The following LIPK variants were observed in gnomAD, a reference collection of about 807,000 sequenced individuals.
LIPK encodes the protein lipase family member K.
In LIPK, 32 loss-of-function variants were observed where a neutral mutation model predicts 48.6. The observed-to-expected ratio is 0.66, with a 90% CI of 0.50 to 0.88. LIPK has a LOEUF of 0.88. Ranked by LOEUF, LIPK falls within the 40% of genes least tolerant of loss-of-function variation. The pLI is 0.00. For missense variants in LIPK, 507 were observed against 478.5 expected, an observed-to-expected ratio of 1.06 and a Z score of -0.56; for synonymous variants, 164 against 157.4, an observed-to-expected ratio of 1.04 and a Z score of -0.32.
In LIPK at chr10:88,732,239, G is replaced by A; in HGVS notation, c.484G>A (p.Gly162Arg). ...AATCAATTTTATCATAGAGAAAACT[G>A]GACAGAAGCGACTCTACTACGTGGG... ...ATINFIIEKT[G>R]QKRLYYVGHS... Residue 162 changes from glycine to arginine, a missense_variant, in exon 5 of 10, where the codon GGA (glycine) becomes AGA (arginine). Gly to Arg is a moderately radical substitution (Grantham distance 125, BLOSUM62 -2). Transcript: ENST00000404190. 1.2e-6 allele frequency: 2 copies of A among 1,613,946 alleles called. No homozygotes were observed. The highest frequency in any genetic ancestry group is 1.7e-6 in the Non-Finnish European group (2 of 1,179,894).
chr10:88,726,802 T>A lies in LIPK; in HGVS notation c.113T>A (p.Ile38Asn). ...NPEANMNISQ[I>N]ISYWGYPYEE... is the part of the protein sequence containing the mutation. ...TTCCTTTCCTCTTTTTAGAGCCAGA[T>A]TATTTCTTACTGGGGTTATCCTTAT... The change falls in exon 3 of 10, where the codon ATT (isoleucine) becomes AAT (asparagine). Residue 38 changes from isoleucine to asparagine, a missense_variant. Ile to Asn is a moderately radical substitution (Grantham distance 149). Coordinates refer to ENST00000404190, the MANE Select transcript of LIPK (RefSeq NM_001080518.2). 6.5e-7 allele frequency: 1 copy of A among 1,544,826 alleles called. No individual in the cohort carries two copies. Among genetic ancestry groups the A allele is most frequent in the Non-Finnish European group, 8.9e-7 (1 of 1,120,608 alleles).
intron 1 of LIPK, among the ~76,000 whole-genome samples, chr10:88,714,650 T>C (rs1375200807): frequency 2.0e-5 from 3 of 152,180 alleles, no homozygotes; most frequent in African/African-American, 7.2e-5. Flanking sequence ...GTCTAGTTAA[T>C]ATAATTTATC....
chr10:88,720,511 G>C (rs1305979893), intron 1 of LIPK, among the ~76,000 whole-genome samples: 2 of 152,012 alleles, frequency 1.3e-5, no homozygotes, highest in Non-Finnish European at 2.9e-5. Flanking sequence ...ATCTACCCCT[G>C]AATCCAAAAT....
chr10:88,735,339 C>A (rs575170917), intron 6 of LIPK, among the ~76,000 whole-genome samples: 1 of 152,074 alleles, frequency 6.6e-6, no homozygotes. Flanking sequence ...TTGCTTTTGA[C>A]GTGTCTCTAC....
chr10:88,711,822 A>G lies in LIPK; in HGVS notation c.-12+5502A>G, dbSNP rs73350715. Among the ~76,000 whole-genome samples, 1,066 of 152,098 alleles carry G rather than the reference A, an allele frequency of 7.0e-3. 9 individuals are homozygous for G. Among genetic ancestry groups the G allele is most frequent in the Middle Eastern group, 0.024 (7 of 292 alleles). On this transcript the variant is annotated intron_variant, in intron 1 of 9. Transcript: ENST00000404190. ...AAGAACAGAAGTTTTTTATTTTAAT[A>G]ATTTTTTAATCTTTTTTTTGCTTAT...
At chr10:88,746,650 TCC>T (rs1268260314) in intron 9 of LIPK, among the ~76,000 whole-genome samples, 1 of 151,998 alleles carries the variant, frequency 6.6e-6, no homozygotes, top group Non-Finnish European at 1.5e-5. Flanking sequence ...GTGCTAAACA[TCC>T]ACATCAAAAA....
intron 9 of LIPK, among the ~76,000 whole-genome samples, chr10:88,751,697 C>A (rs1001226489): frequency 1.1e-4 from 16 of 152,142 alleles, no homozygotes; most frequent in Middle Eastern, 3.2e-3. Flanking sequence ...CACACACACA[C>A]ACTGTTTCAG....
intron 7 of LIPK, among the ~76,000 whole-genome samples, chr10:88,738,971 A>T (rs1287741899): frequency 6.6e-6 from 1 of 152,240 alleles, no homozygotes; most frequent in East Asian, 1.9e-4. Context: ...GTACATTTGG[A>T]TAGCTTATAA....
At chr10:88,750,622 G>T (rs1333747648) in intron 9 of LIPK, among the ~76,000 whole-genome samples, 2 of 152,118 alleles carry the variant, frequency 1.3e-5, no homozygotes, top group Admixed American at 6.6e-5. Flanking sequence ...ACACAAAGAG[G>T]GGAACAATAG....
intron 1 of LIPK, among the ~76,000 whole-genome samples, chr10:88,720,453 T>G (rs1842200672): frequency 6.6e-6 from 1 of 152,156 alleles, no homozygotes; most frequent in Non-Finnish European, 1.5e-5. Flanking sequence ...AAATACTCTG[T>G]GCAACCAACC....
chr10:88,748,653 A>G (rs552564056), intron 9 of LIPK, among the ~76,000 whole-genome samples: 18 of 152,030 alleles, frequency 1.2e-4, no homozygotes, highest in Non-Finnish European at 2.4e-4. Context: ...ATAATATTAA[A>G]TGCCATTTCT....
chr10:88,739,146 T>C (rs898295087), intron 7 of LIPK, among the ~76,000 whole-genome samples: 2 of 150,894 alleles, frequency 1.3e-5, no homozygotes, highest in African/African-American at 4.9e-5. Flanking sequence ...TGTGGTTGTT[T>C]ATCCATAAGA....
At chr10:88,714,614 T>C (rs1044214942) in intron 1 of LIPK, among the ~76,000 whole-genome samples, 3 of 152,170 alleles carry the variant, frequency 2.0e-5, no homozygotes, top group Non-Finnish European at 2.9e-5. Context: ...GAAATGGTTT[T>C]TTAAGTTGTG....
intron 6 of LIPK, among the ~76,000 whole-genome samples, chr10:88,735,369 A>T (rs1042014503): frequency 5.9e-5 from 9 of 152,280 alleles, no homozygotes; most frequent in African/African-American, 1.7e-4. Context: ...GATTGTTAGT[A>T]CTGTCTCCAT....
chr10:88,741,980 A>C (rs986450255), intron 8 of LIPK, among the ~76,000 whole-genome samples: 6 of 152,142 alleles, frequency 3.9e-5, no homozygotes, highest in African/African-American at 1.2e-4. Flanking sequence ...AAGCATGGCT[A>C]GGAGGCCTCA....
chr10:88,726,427 C>T (rs1842339290), intron 2 of LIPK, among the ~76,000 whole-genome samples: 1 of 152,210 alleles, frequency 6.6e-6, no homozygotes, highest in African/African-American at 2.4e-5. Flanking sequence ...AGGCTCACAC[C>T]TATAATCCTA....
chr10:88,718,289 T>TTA (rs1554954006), intron 1 of LIPK, among the ~76,000 whole-genome samples: 15 of 148,814 alleles, frequency 1.0e-4, no homozygotes, highest in African/African-American at 2.4e-5. Flanking sequence ...TTAGGAAATT[T>TTA]TATATATATA....
intron 1 of LIPK, among the ~76,000 whole-genome samples, chr10:88,707,042 T>G (rs959746704): frequency 6.6e-6 from 1 of 152,162 alleles, no homozygotes; most frequent in Non-Finnish European, 1.5e-5. Flanking sequence ...CCTCTAGACA[T>G]AGAGAGATTA....
At chr10:88,733,747 A>C (rs1337232709) in intron 6 of LIPK, among the ~76,000 whole-genome samples, 3 of 152,188 alleles carry the variant, frequency 2.0e-5, no homozygotes, top group Non-Finnish European at 4.4e-5. Flanking sequence ...AGCTCTCTTC[A>C]AACTTCTGCA....
Sources: allele counts gnomAD v4.1 joint callset (sites outside exome capture counted in the v4.1 genomes callset), GRCh38; gene constraint gnomAD v4.1.1; transcripts MANE v1.5; gene names NCBI Gene and HGNC (gene_info 2026-07-23, HGNC 2026-07-21).